The following PIAS1 variants were observed in gnomAD, a reference collection of about 807,000 sequenced individuals.
PIAS1 encodes the protein E3 SUMO-protein ligase PIAS1.
PIAS1 carries 6 observed loss-of-function variants against 71.3 expected under a neutral mutation model. That is an observed-to-expected ratio of 0.08 (90% CI 0.05 to 0.17). PIAS1 has a LOEUF of 0.17. PIAS1 is among the 10% of genes least tolerant of loss of function. The pLI is 1.00. For synonymous variants in PIAS1, 303 were observed against 292.9 expected (o/e 1.03, Z -0.35); for missense variants, 555 against 793.6 (o/e 0.70, Z 3.61).
chr15:68,132,994 T>C lies in PIAS1; in HGVS notation c.470-8952T>C, dbSNP rs182475940. 8.5e-3 allele frequency among the ~76,000 whole-genome samples: 1,288 copies of C among 151,806 alleles called. 44 individuals carry two copies. The highest frequency in any genetic ancestry group is 0.064 in the Admixed American group (970 of 15,250). ...TTTTCTTTTCTTTTCTTTTTTTTTTTCCGAAAAAAGCCAGTAGCTTTATGT... is the reference window on the plus strand; with the variant it reads ...TTTTCTTTTCTTTTCTTTTTTTTTTCCCGAAAAAAGCCAGTAGCTTTATGT... On this transcript the variant is annotated intron_variant, in intron 2 of 13. Coordinates refer to ENST00000249636, the MANE Select transcript of PIAS1 (RefSeq NM_016166.3).
At chr15:68,161,827 G>T (rs1241247129) in intron 7 of PIAS1, among the ~76,000 whole-genome samples, 2 of 151,962 alleles carry the variant, frequency 1.3e-5, no homozygotes, top group Non-Finnish European at 2.9e-5. Flanking sequence ...CTACTTGGGA[G>T]GCTGAGGCAG....
intron 7 of PIAS1, among the ~76,000 whole-genome samples, chr15:68,160,884 C>T (rs2092919722): frequency 6.6e-6 from 1 of 152,116 alleles, no homozygotes; most frequent in South Asian, 2.1e-4. Flanking sequence ...TGCTTCACTC[C>T]TAAGATTGAG....
In PIAS1 at chr15:68,142,341, C is replaced by A; in HGVS notation, c.602+4C>A. ...TCACAGTACAGGTCCAGTTAAGGTA[C>A]AGTGCTGACTATAGGATATATTCAA... is the stretch of plus-strand genomic sequence containing the variant. On this transcript the variant is annotated splice_donor_region_variant and intron_variant, in intron 4 of 13. Coordinates refer to ENST00000249636, the MANE Select transcript of PIAS1 (RefSeq NM_016166.3). The A allele has an allele frequency of 1.3e-6, 2 of 1,588,404 alleles. No homozygotes were observed. Among genetic ancestry groups the A allele is most frequent in the Non-Finnish European group, 1.7e-6 (2 of 1,157,248 alleles).
chr15:68,132,196 T>C (rs1418949520), intron 2 of PIAS1, among the ~76,000 whole-genome samples: 2 of 148,464 alleles, frequency 1.3e-5, no homozygotes, highest in Admixed American at 1.3e-4. Context: ...ACTACAGTGT[T>C]GGCCGGGCAT....
chr15:68,129,769 AAGC>A (rs931477750), intron 2 of PIAS1, among the ~76,000 whole-genome samples: 2 of 150,762 alleles, frequency 1.3e-5, no homozygotes, highest in Non-Finnish European at 3.0e-5. Context: ...CTTAATGAAA[AAGC>A]AGATTGCAAA....
At chr15:68,125,965 C>T (rs1341397130) in intron 2 of PIAS1, among the ~76,000 whole-genome samples, 3 of 152,188 alleles carry the variant, frequency 2.0e-5, no homozygotes, top group Non-Finnish European at 4.4e-5. Context: ...TCCCAAAGTG[C>T]TGGGATTACA....
Position 68,167,984 on chromosome 15 carries a change from G to C in PIAS1, c.1008+3180G>C, listed in dbSNP as rs1427762311. Among the ~76,000 whole-genome samples the C allele has an allele frequency of 6.6e-6, 1 of 151,750 alleles. No individual in the cohort carries two copies. Among genetic ancestry groups the C allele is most frequent in the African/African-American group, 2.4e-5 (1 of 41,252 alleles). Reference sequence around the variant, plus strand: ...AGCTTCCCAAAATGCTGGGATTACAGGTGTGAGCCACCACTCCCAGCCTTT... The same window carrying C: ...AGCTTCCCAAAATGCTGGGATTACACGTGTGAGCCACCACTCCCAGCCTTT... On this transcript the variant is annotated intron_variant, in intron 8 of 13. Coordinates refer to ENST00000249636, the MANE Select transcript of PIAS1 (RefSeq NM_016166.3). This position sits in a 1 kb window ranked among gnomAD's most constrained non-coding sequence, Gnocchi z 4.4.
intron 1 of PIAS1, among the ~76,000 whole-genome samples, chr15:68,059,072 T>TCC (rs1196213295): frequency 6.8e-6 from 1 of 146,978 alleles, no homozygotes; most frequent in Admixed American, 6.9e-5. Flanking sequence ...TGGCGCGATC[T>TCC]CGGCGCACTG....
Position 68,189,514 on chromosome 15 carries a change from A to G in PIAS1, c.*1679A>G, listed in dbSNP as rs181064200. 5.9e-5 allele frequency: 9 copies of G among 152,310 alleles called. No homozygotes were observed. The East Asian group carries it at 1.5e-3, about 26-fold the overall frequency. The allele number at this position is 152,310 out of a possible 1,614,324, so 9.4% of individuals were successfully genotyped here. ...TTCAAGATGGCTGTACTTCAGTTGT[A>G]TGATAAAATTAATGGTTCTCATGAC... is the stretch of plus-strand genomic sequence containing the variant. On this transcript the variant is annotated 3_prime_UTR_variant, in exon 14 of 14. Coordinates refer to ENST00000249636, the MANE Select transcript of PIAS1 (RefSeq NM_016166.3).
intron 1 of PIAS1, chr15:68,057,421 A>T (rs2091908048): frequency 5.0e-6 from 2 of 399,974 alleles, no homozygotes; most frequent in African/African-American, 2.2e-5. Context: ...TTTAAAAAAA[A>T]ATATGTGTTT....
rs2091872091 is a variant in PIAS1 at position 68,054,449 on chromosome 15, T to G, written c.24+99T>G. On this transcript the variant is annotated intron_variant, in intron 1 of 13. Coordinates refer to ENST00000249636, the MANE Select transcript of PIAS1 (RefSeq NM_016166.3). The surrounding 1 kb of genome is among the most constrained non-coding windows in gnomAD (Gnocchi z 4.6). The stretch of plus-strand genomic sequence containing the variant: ...CCGACCCTGGGGGGCCTCTCGGGCC[T>G]GACTCCACCCGGGCCTGGAGTTGTA... 1 of 1,292,906 alleles carries G rather than the reference T, an allele frequency of 7.7e-7. No individual in the cohort carries two copies. Among genetic ancestry groups the G allele is most frequent in the Admixed American group, 2.0e-5 (1 of 49,414 alleles). The allele number at this position is 1,292,906 out of a possible 1,614,324, so 80.1% of individuals were successfully genotyped here.
intron 2 of PIAS1, among the ~76,000 whole-genome samples, chr15:68,104,572 T>TA (rs1333086751): frequency 1.6e-4 from 25 of 152,284 alleles, no homozygotes; most frequent in African/African-American, 6.0e-4. Flanking sequence ...TGTTCTCACT[T>TA]ATATGTGGGA....
At chr15:68,071,250 C>G (rs2092092965) in intron 1 of PIAS1, among the ~76,000 whole-genome samples, 1 of 128,360 alleles carries the variant, frequency 7.8e-6, no homozygotes, top group South Asian at 3.2e-4. Flanking sequence ...GTGGCTAACC[C>G]CAGGGAGTTT....
Position 68,061,941 on chromosome 15 carries a change from C to G in PIAS1, c.24+7591C>G, listed in dbSNP as rs557344425. On this transcript the variant is annotated intron_variant, in intron 1 of 13. Coordinates refer to ENST00000249636, the MANE Select transcript of PIAS1 (RefSeq NM_016166.3). ...TGGCTGGTGTTCTGTTTGTACACCCCCCATTCTCCCATCCCTACCCTGTGG... is the reference window on the plus strand; with the variant it reads ...TGGCTGGTGTTCTGTTTGTACACCCGCCATTCTCCCATCCCTACCCTGTGG... 1.8e-4 allele frequency among the ~76,000 whole-genome samples: 28 copies of G among 152,252 alleles called. No homozygotes were observed. The South Asian group carries it at 4.8e-3, about 26-fold the overall frequency.
At chr15:68,097,804 A>G (rs897025373) in intron 2 of PIAS1, among the ~76,000 whole-genome samples, 2 of 152,096 alleles carry the variant, frequency 1.3e-5, no homozygotes, top group Non-Finnish European at 2.9e-5. Context: ...CCATTATTCT[A>G]TTAATATGGT....
At chr15:68,109,495 T>C (rs1255994391) in intron 2 of PIAS1, among the ~76,000 whole-genome samples, 1 of 152,220 alleles carries the variant, frequency 6.6e-6, no homozygotes, top group African/African-American at 2.4e-5. Flanking sequence ...AGTAAATATT[T>C]GTAGAACAGA....
intron 8 of PIAS1, 29 bp downstream of exon 8, chr15:68,164,833 G>A: frequency 7.9e-7 from 1 of 1,264,042 alleles, no homozygotes; most frequent in Middle Eastern, 1.9e-4. Context: ...TTGCTTTCCA[G>A]AAAGTTTAAC....
intron 6 of PIAS1, among the ~76,000 whole-genome samples, chr15:68,148,729 A>G (rs900969988): frequency 6.6e-6 from 1 of 152,094 alleles, no homozygotes; most frequent in Admixed American, 6.6e-5. Context: ...CCTGGCCAGG[A>G]TTTTCTCTTT....
chr15:68,158,684 C>T (rs2092906488), intron 7 of PIAS1, among the ~76,000 whole-genome samples: 1 of 151,962 alleles, frequency 6.6e-6, no homozygotes, highest in Non-Finnish European at 1.5e-5. Flanking sequence ...GGTCTTGGTG[C>T]CTGTTTCTTT....
Sources: gnomAD v4.1 joint callset for allele counts (sites outside exome capture counted in the v4.1 genomes callset) on GRCh38, gnomAD v4.1.1 for gene constraint, Gnocchi (gnomAD v3.1) non-coding constraint, MANE v1.5 for transcripts, NCBI Gene and HGNC (gene_info 2026-07-23, HGNC 2026-07-21) for gene names.